The following ECT2 variants were observed in gnomAD, a reference collection of about 807,000 sequenced individuals.
ECT2 encodes protein ECT2.
In ECT2, 61 loss-of-function variants were observed where a neutral mutation model predicts 116.9. The ratio of observed to expected loss-of-function variants is 0.52; its 90% CI spans 0.42 to 0.65. The LOEUF is 0.65. ECT2 is among the 30% of genes least tolerant of loss of function. ECT2 has a pLI of 0.00. For synonymous variants in ECT2, 358 were observed against 346.4 expected, an observed-to-expected ratio of 1.03 and a Z score of -0.37; for missense variants, 937 against 1,078.7, an observed-to-expected ratio of 0.87 and a Z score of 1.84.
At chr3:172,794,501 C>CT (rs1429439947) in intron 18 of ECT2, among the ~76,000 whole-genome samples, 7 of 152,198 alleles carry the variant, frequency 4.6e-5, no homozygotes, top group Non-Finnish European at 1.0e-4. Context: ...GATTACTGTA[C>CT]TTTAAGTTTT....
chr3:172,780,842 T>C (rs1722565646), intron 14 of ECT2, among the ~76,000 whole-genome samples: 1 of 152,180 alleles, frequency 6.6e-6, no homozygotes, highest in South Asian at 2.1e-4. Flanking sequence ...GCCATTTGTA[T>C]ATTATTTTTG....
chr3:172,773,790 T>C (rs1386664042), intron 13 of ECT2, 113 bp from the exon 14 acceptor site: 20 of 1,114,114 alleles, frequency 1.8e-5, no homozygotes, highest in Non-Finnish European at 2.5e-6. Context: ...GAGAGTATTT[T>C]TTATTATTAC....
chr3:172,774,597 C>G (rs1721313492), intron 14 of ECT2, among the ~76,000 whole-genome samples: 2 of 152,082 alleles, frequency 1.3e-5, no homozygotes, highest in African/African-American at 4.8e-5. Context: ...TCAAGTGATT[C>G]TCCCACCTCA....
chr3:172,802,965 C>G lies in ECT2; in HGVS notation c.2091C>G (p.Phe697Leu), dbSNP rs1481685813. ...DRGEQVTLFL[F>L]NDCLEIARKR... ...GAGAACAAGTAACTCTCTTCCTCTT[C>G]AATGATTGCCTAGAGGTAAAGATGT... Residue 697 changes from phenylalanine (F) to leucine (L), a missense_variant, in exon 20 of 25, where the codon TTC becomes TTG. Physicochemically the swap from Phe to Leu is conservative, Grantham distance 22. Coordinates refer to ENST00000392692, the MANE Select transcript of ECT2 (RefSeq NM_001258315.2). The G allele has an allele frequency of 6.2e-7, 1 of 1,611,348 alleles. No individual in the cohort carries two copies. The highest frequency in any genetic ancestry group is 1.3e-5 in the African/African-American group (1 of 74,790).
chr3:172,771,091 C>T lies in ECT2; in HGVS notation c.1428+1948C>T, dbSNP rs114484106. Among the ~76,000 whole-genome samples the T allele has an allele frequency of 2.8e-3, 424 of 152,216 alleles. 2 individuals are homozygous for T. The highest frequency in any genetic ancestry group is 4.5e-3 in the Non-Finnish European group (309 of 68,016). ...AATTTCACAGTTTATTTAATAGCAG[C>T]TGGTACACATGAAATTTCCTTCCTT... On this transcript the variant is annotated intron_variant, in intron 13 of 24. Coordinates refer to ENST00000392692, the MANE Select transcript of ECT2 (RefSeq NM_001258315.2).
intron 21 of ECT2, among the ~76,000 whole-genome samples, chr3:172,807,366 C>T (rs371389666): frequency 4.6e-5 from 7 of 152,088 alleles, no homozygotes; most frequent in Non-Finnish European, 7.3e-5. Flanking sequence ...CCCACAGATA[C>T]GGAAGGCTGA....
intron 16 of ECT2, 102 bp from the exon 17 acceptor site, chr3:172,784,605 T>C: frequency 1.2e-6 from 1 of 815,498 alleles, no homozygotes. Flanking sequence ...TCTCTATTAG[T>C]TTGTATCACA....
chr3:172,755,735 T>G (rs1264615269), intron 4 of ECT2, among the ~76,000 whole-genome samples, 160 bp downstream of exon 4: 2 of 152,204 alleles, frequency 1.3e-5, no homozygotes, highest in Non-Finnish European at 2.9e-5. Context: ...AGCTTCTTTT[T>G]TCTCATTCAT....
At chr3:172,760,303 A>G in intron 7 of ECT2, 40 bp downstream of exon 7, 3 of 1,283,254 alleles carry the variant, frequency 2.3e-6, no homozygotes, top group Middle Eastern at 2.3e-4. Flanking sequence ...TCAATACAGC[A>G]TTATTTTGGC....
chr3:172,754,232 A>G (rs1431692807), intron 1 of ECT2, among the ~76,000 whole-genome samples: 1 of 152,134 alleles, frequency 6.6e-6, no homozygotes, highest in Non-Finnish European at 1.5e-5. Context: ...GTAGAATAAT[A>G]TTTATGACTA....
chr3:172,792,983 G>C (rs1031859970), intron 18 of ECT2, among the ~76,000 whole-genome samples: 1 of 152,030 alleles, frequency 6.6e-6, no homozygotes. Flanking sequence ...GCCTCCCAGA[G>C]TGCTGGAATT....
intron 18 of ECT2, among the ~76,000 whole-genome samples, chr3:172,791,526 G>C (rs566452457): frequency 6.6e-6 from 1 of 152,346 alleles, no homozygotes; most frequent in South Asian, 2.1e-4. Context: ...ATTAGCAGTT[G>C]CTGCTTCACC....
At chr3:172,754,431 A>C in intron 1 of ECT2, 78 bp from the exon 2 acceptor site, 1 of 1,016,976 alleles carries the variant, frequency 9.8e-7, no homozygotes, top group Non-Finnish European at 1.4e-6. Flanking sequence ...TATAAATTCT[A>C]GGTAAAAAGA....
chr3:172,781,420 T>A (rs1011267242), intron 14 of ECT2, among the ~76,000 whole-genome samples: 2 of 152,206 alleles, frequency 1.3e-5, no homozygotes, highest in Non-Finnish European at 2.9e-5. Context: ...ATCTCAGGGA[T>A]CCCACTGAAA....
At chr3:172,776,198 C>CTTTTTTTTTTTTTTTTTTTTTT (rs60558773) in intron 14 of ECT2, among the ~76,000 whole-genome samples, 11 of 111,598 alleles carry the variant, frequency 9.9e-5, no homozygotes, top group Non-Finnish European at 1.4e-4. Flanking sequence ...TCAGTTTTTT[C>CTTTTTTTTTTTTTTTTTTTTTT]TTTTTTTTTT....
At chr3:172,763,929 C>G (rs1312958032) in intron 11 of ECT2, among the ~76,000 whole-genome samples, 1 of 152,190 alleles carries the variant, frequency 6.6e-6, no homozygotes, top group African/African-American at 2.4e-5. Flanking sequence ...TATTGGAAAG[C>G]ATTGTGTCCA....
chr3:172,820,036 A>G (rs1577060848), intron 24 of ECT2, 112 bp from the exon 25 acceptor site: 1 of 668,766 alleles, frequency 1.5e-6, no homozygotes, highest in African/African-American at 1.9e-5. Context: ...CTTGTACTTA[A>G]TTGTTACAGT....
At chr3:172,767,001 G>C (rs773879807) in intron 12 of ECT2, among the ~76,000 whole-genome samples, 18 of 152,194 alleles carry the variant, frequency 1.2e-4, no homozygotes, top group Non-Finnish European at 2.5e-4. Context: ...TCATTGTCTA[G>C]ACACAGAATA....
In ECT2 at chr3:172,815,663, C is replaced by A; in HGVS notation, c.2460C>A (p.Asp820Glu). The A allele has an allele frequency of 6.2e-7, 1 of 1,605,590 alleles. No individual in the cohort carries two copies. The highest frequency in any genetic ancestry group is 8.5e-7 in the Non-Finnish European group (1 of 1,176,524). ...ESFEVNTKDM[D>E]STLSRASRAI... Reference sequence around the variant, plus strand: ...TTGAAGTAAATACAAAAGATATGGACAGTACATTGAGTAGAGCATCAAGAG... The same window carrying A: ...TTGAAGTAAATACAAAAGATATGGAAAGTACATTGAGTAGAGCATCAAGAG... The change falls in exon 23 of 25, where the codon GAC (aspartate) becomes GAA (glutamate). Residue 820 changes from aspartate to glutamate, a missense_variant. Asp to Glu is a conservative substitution (Grantham distance 45, BLOSUM62 2). Transcript: ENST00000392692.
Sources: gnomAD v4.1 joint callset for allele counts (sites outside exome capture counted in the v4.1 genomes callset) on GRCh38, gnomAD v4.1.1 for gene constraint, MANE v1.5 for transcripts, NCBI Gene and HGNC (gene_info 2026-07-23, HGNC 2026-07-21) for gene names.